The following ANK3 variants were observed in gnomAD, a reference collection of about 807,000 sequenced individuals.
ANK3 encodes ankyrin 3.
In ANK3, 57 loss-of-function variants were observed where a neutral mutation model predicts 370.9. The observed-to-expected ratio is 0.15, with a 90% confidence interval of 0.12 to 0.19. ANK3 has a LOEUF of 0.19. Among genes scored for constraint, ANK3 ranks in the 10% least tolerant of loss-of-function variants. The pLI, the probability that ANK3 is intolerant of heterozygous loss-of-function variation, is 1.00. For missense variants in ANK3, 4,439 were observed against 5,302.1 expected (o/e 0.84, Z 5.06); for synonymous variants, 1,929 against 1,946.3 (o/e 0.99, Z 0.23).
rs560700170 is a variant in ANK3 at position 60,215,441 on chromosome 10, C to T, written c.898-1931G>A. 8.9e-4 allele frequency among the ~76,000 whole-genome samples: 135 copies of T among 152,096 alleles called. 1 individual carries two copies. Among genetic ancestry groups the T allele is most frequent in the African/African-American group, 3.1e-3 (130 of 41,520 alleles). Reference sequence around the variant, plus strand: ...GTCATGAAATCTTTGCCCATGCCTACGTGCTGAATGCTATTGCCTAGGTTT... The same window carrying T: ...GTCATGAAATCTTTGCCCATGCCTATGTGCTGAATGCTATTGCCTAGGTTT... On this transcript the variant is annotated intron_variant, in intron 8 of 43. Transcript: ENST00000280772.
chr10:60,211,145 C>T (rs2096848044), intron 9 of ANK3, among the ~76,000 whole-genome samples: 1 of 152,118 alleles, frequency 6.6e-6, no homozygotes, highest in Admixed American at 6.5e-5. Flanking sequence ...AGACTTGGGG[C>T]TGCAAATAAG....
At chr10:60,270,035 C>CAATTGAAATACTAGTAGGACA in intron 5 of ANK3, 96 bp downstream of exon 5, 7 of 669,538 alleles carry the variant, frequency 1.0e-5, no homozygotes, top group Non-Finnish European at 1.4e-5. Flanking sequence ...TATAAAACTT[C>CAATTGAAATACTAGTAGGACA]AATTGAAATA....
intron 1 of ANK3, among the ~76,000 whole-genome samples, chr10:60,349,572 A>G (rs1374853642): frequency 6.6e-6 from 1 of 152,136 alleles, no homozygotes; most frequent in Non-Finnish European, 1.5e-5. Flanking sequence ...TTGACTTGTA[A>G]TCATTGCTCC....
intron 28 of ANK3, among the ~76,000 whole-genome samples, chr10:60,104,367 A>G (rs1159501490): frequency 7.7e-5 from 2 of 26,128 alleles, no homozygotes; most frequent in African/African-American, 1.0e-4. Context: ...CAAAAAAAAA[A>G]AAAAAAAAAA....
chr10:60,450,629 A>C (rs2064573988), intron 2 of ANK3, among the ~76,000 whole-genome samples: 1 of 152,202 alleles, frequency 6.6e-6, no homozygotes, highest in South Asian at 2.1e-4. Flanking sequence ...GAATCAAAAA[A>C]AGCGTAAGTT....
chr10:60,114,191 T>C, intron 26 of ANK3, 34 bp downstream of exon 26: 5 of 1,222,736 alleles, frequency 4.1e-6, no homozygotes, highest in Non-Finnish European at 6.0e-6. Flanking sequence ...GTTCATGTAG[T>C]AGGATAATGA....
intron 2 of ANK3, among the ~76,000 whole-genome samples, chr10:60,585,411 T>G (rs542811408): frequency 6.6e-5 from 10 of 152,128 alleles, no homozygotes; most frequent in Non-Finnish European, 1.3e-4. Flanking sequence ...ATTCAGAAAT[T>G]TGGGGACTTG....
rs774026142 is a variant in ANK3, at chr10:60,350,621, T to C, written c.114+38804A>G. ...AGATTCTCTTAAACCTCAGCTCTAA[T>C]CGCTAAAGGAAAAGCAGCAGCTGTG... On this transcript the variant is annotated intron_variant, in intron 1 of 43. Transcript: ENST00000280772. Among the ~76,000 whole-genome samples the C allele has an allele frequency of 7.9e-5, 12 of 152,268 alleles. No individual in the cohort carries two copies. The East Asian group carries it at 1.2e-3, about 15-fold the overall frequency.
At chr10:60,338,380 A>G (rs1422386949) in intron 1 of ANK3, among the ~76,000 whole-genome samples, 4 of 152,178 alleles carry the variant, frequency 2.6e-5, no homozygotes, top group African/African-American at 7.2e-5. Flanking sequence ...TTCTGATTCA[A>G]TACACCTGGA....
At chr10:60,636,957 G>T (rs1455718847) in intron 1 of ANK3, among the ~76,000 whole-genome samples, 1 of 152,164 alleles carries the variant, frequency 6.6e-6, no homozygotes, top group African/African-American at 2.4e-5. Context: ...ACTTGCTCAA[G>T]ACCATGCAGA....
At chr10:60,708,621 G>A (rs2079653412) in intron 1 of ANK3, among the ~76,000 whole-genome samples, 2 of 152,166 alleles carry the variant, frequency 1.3e-5, no homozygotes, top group Non-Finnish European at 2.9e-5. Context: ...AACGGAATCT[G>A]ATTTGCCAGA....
intron 43 of ANK3, among the ~76,000 whole-genome samples, chr10:60,038,202 C>T (rs1265843985): frequency 6.6e-6 from 1 of 152,018 alleles, no homozygotes; most frequent in Non-Finnish European, 1.5e-5. Context: ...TTTGAGACCA[C>T]CCTGGCCAAC....
chr10:60,647,123 C>T (rs1347552080), intron 1 of ANK3, among the ~76,000 whole-genome samples: 1 of 151,976 alleles, frequency 6.6e-6, no homozygotes, highest in African/African-American at 2.4e-5. Context: ...AATTATGTGC[C>T]CGGCACTGTG....
intron 2 of ANK3, among the ~76,000 whole-genome samples, chr10:60,505,551 G>A (rs559629815): frequency 2.3e-4 from 35 of 152,008 alleles, no homozygotes; most frequent in Non-Finnish European, 4.0e-4. Context: ...GGAAAGAACC[G>A]GAAGTTCTTC....
rs766647726 is a variant in ANK3, at chr10:60,181,365, G to A, written c.2148C>T (p.Leu716=). ...QEDRVNVAEV[L]VNQGAHVDAQ... ...CGTCCACATGAGCCCCTTGGTTTACGAGGACTTCTGCCACATTCACTCGAT... is the reference window on the plus strand; with the variant it reads ...CGTCCACATGAGCCCCTTGGTTTACAAGGACTTCTGCCACATTCACTCGAT... Residue 716 remains leucine (L), a synonymous_variant, in exon 18 of 44, where the codon CTC becomes CTT. Coordinates refer to ENST00000280772, the MANE Select transcript of ANK3 (RefSeq NM_020987.5). The A allele has an allele frequency of 9.9e-6, 16 of 1,613,984 alleles. No homozygotes were observed. The highest frequency in any genetic ancestry group is 1.6e-4 in the Middle Eastern group (1 of 6,084).
intron 1 of ANK3, among the ~76,000 whole-genome samples, chr10:60,321,219 T>C (rs2048563578): frequency 2.0e-5 from 3 of 152,034 alleles, no homozygotes. Context: ...GACCCTCTTC[T>C]CTACAAAAAA....
At chr10:60,732,486 G>A (rs2080037397) in intron 1 of ANK3, among the ~76,000 whole-genome samples, 2 of 152,152 alleles carry the variant, frequency 1.3e-5, no homozygotes, top group Non-Finnish European at 2.9e-5. Flanking sequence ...TGCTCGTCAG[G>A]CAACCGATTT....
At chr10:60,149,081 T>C (rs1309498114) in intron 23 of ANK3, among the ~76,000 whole-genome samples, 1 of 152,228 alleles carries the variant, frequency 6.6e-6, no homozygotes, top group Non-Finnish European at 1.5e-5. Context: ...CCAAATTGCC[T>C]ATCATTGTGC....
At chr10:60,545,680 T>G (rs1468225702) in intron 2 of ANK3, among the ~76,000 whole-genome samples, 1 of 152,190 alleles carries the variant, frequency 6.6e-6, no homozygotes, top group East Asian at 1.9e-4. Flanking sequence ...ATTGTATATC[T>G]AGATCTGACT....
Sources: allele counts gnomAD v4.1 joint callset (sites outside exome capture counted in the v4.1 genomes callset), GRCh38; gene constraint gnomAD v4.1.1; transcripts MANE v1.5; gene names NCBI Gene and HGNC (gene_info 2026-07-23, HGNC 2026-07-21).